Variants in SLC35A2 observed in about 807,000 individuals in gnomAD.
SLC35A2 encodes the protein UDP-galactose translocator.
In SLC35A2, 1 loss-of-function variant was observed where a neutral mutation model predicts 17.3. The observed-to-expected ratio is 0.06, with a 90% CI of 0.02 to 0.27. The LOEUF (loss-of-function observed/expected upper bound fraction) is 0.27. SLC35A2 is among the 10% of genes least tolerant of loss of function. The pLI is 1.00. For missense variants in SLC35A2, 191 were observed against 339.3 expected, an observed-to-expected ratio of 0.56 and a Z score of 3.43; for synonymous variants, 161 against 161.3, an observed-to-expected ratio of 1.00 and a Z score of 0.01.
At chrX:48,903,508 T>C (rs1163858731) in intron 4 of SLC35A2, 43 bp from the exon 5 acceptor site, 1 of 567,956 alleles carries the variant, frequency 1.8e-6, no homozygotes, top group Non-Finnish European at 3.2e-6. Flanking sequence ...AAAGCTGGGC[T>C]AGGCTGGCAG....
chrX:48,911,756 C>A (rs180869387), upstream of SLC35A2: 106 of 1,161,270 alleles, frequency 9.1e-5, 1 homozygote, highest in Non-Finnish European at 1.2e-4. Flanking sequence ...AGGGTGGTGG[C>A]TTTTCTCCTC....
At position 48,903,227 on chromosome X, in the gene SLC35A2, A is replaced by G; in HGVS notation, c.*211T>C. ...TTATTTGCAAAAACTCAGCTAAGAGATAGTGTGGAGCTGGCAGGGGCTGGG... is the reference window on the plus strand; with the variant it reads ...TTATTTGCAAAAACTCAGCTAAGAGGTAGTGTGGAGCTGGCAGGGGCTGGG... On this transcript the variant is annotated 3_prime_UTR_variant, in exon 5 of 5. Transcript: ENST00000247138. 9.7e-7 allele frequency: 1 copy of G among 1,035,865 alleles called. No homozygotes were observed. Among genetic ancestry groups the G allele is most frequent in the Non-Finnish European group, 1.3e-6 (1 of 755,356 alleles). The allele number at this position is 1,035,865 out of a possible 1,213,427, so 85.4% of individuals were successfully genotyped here.
chrX:48,908,676 G>A (rs782396530), intron 2 of SLC35A2, among the ~76,000 whole-genome samples: 1 of 112,050 alleles, frequency 8.9e-6, no homozygotes, highest in Non-Finnish European at 1.9e-5. Flanking sequence ...ATGAGGACAA[G>A]CTGCTCCTCT....
In SLC35A2 at chrX:48,905,590, G is replaced by A. The variant is rs781914967; in HGVS notation, c.427-108C>T. On this transcript the variant is annotated intron_variant, in intron 3 of 4. Coordinates refer to ENST00000247138, the MANE Select transcript of SLC35A2 (RefSeq NM_005660.3). ...CCCAGGCACAATGGAGGGACAGGGT[G>A]GGGGGTATGACAGCAAAAACAGCAA... 18 of 758,764 alleles carry A rather than the reference G, an allele frequency of 2.4e-5. No homozygotes were observed. In the East Asian group the frequency reaches 4.4e-4, roughly 19 times the overall value. The allele number at this position is 758,764 out of a possible 1,213,427, so 62.5% of individuals were successfully genotyped here. A position where few individuals can be genotyped will look rare whatever the true frequency, so the allele number is the denominator to read the frequency against.
At chrX:48,903,974 G>A (rs138418907) in intron 4 of SLC35A2, 19,858 of 759,104 alleles carry the variant, frequency 0.026, 222 homozygotes, top group Middle Eastern at 0.061. Flanking sequence ...GCAACTGACA[G>A]TGTCTTAAAT....
upstream of SLC35A2, chrX:48,911,704 C>T (rs2063537386): frequency 2.6e-6 from 3 of 1,154,306 alleles, no homozygotes; most frequent in Non-Finnish European, 3.5e-6. Context: ...ACTTCCGCTG[C>T]CGGGCCACCT....
rs782737391 is a variant in SLC35A2 at position 48,905,083 on chromosome X, G to A, written c.826C>T (p.Leu276Phe). The change falls in exon 4 of 5, where the codon CTC (leucine) becomes TTC (phenylalanine). Residue 276 changes from leucine (L) to phenylalanine (F), a missense_variant. Physicochemically the swap from Leu to Phe is conservative, Grantham distance 22. Transcript: ENST00000247138. ...GYTPAVWGVV[L>F]NQAFGGLLVA... ...AGTAGCCCGCCGAAGGCCTGGTTGAGCACCACGCCCCAGACAGCAGGTGTG... is the reference window on the plus strand; with the variant it reads ...AGTAGCCCGCCGAAGGCCTGGTTGAACACCACGCCCCAGACAGCAGGTGTG... The A allele has an allele frequency of 1.2e-5, 14 of 1,209,787 alleles. No homozygotes were observed. In the Admixed American group the frequency reaches 1.3e-4, roughly 11 times the overall value.
Position 48,904,813 on chromosome X carries a change from C to A in SLC35A2, c.1096G>T (p.Gly366Trp), listed in dbSNP as rs782329380. The A allele has an allele frequency of 8.3e-7, 1 of 1,211,068 alleles. No homozygotes were observed. Among genetic ancestry groups the A allele is most frequent in the Admixed American group, 2.2e-5 (1 of 45,999 alleles). ...GACAGCTGCGGTGGTGGTGGCTGCC[C>A]GGGAGGCTGCTGGTGAACGCAGGGC... ...SGPCVHQQPP[G>W]QPPPPQLSSH... The change falls in exon 4 of 5, where the codon GGG becomes TGG. Residue 366 changes from glycine (G) to tryptophan (W), a missense_variant. Physicochemically the swap from Gly to Trp is radical, Grantham distance 184. This residue lies in a region of SLC35A2 where 164 missense variants were observed against 315.3 expected (regional missense o/e 0.52). Transcript: ENST00000247138.
chrX:48,907,042 G>A (rs189935620), intron 2 of SLC35A2, among the ~76,000 whole-genome samples: 22 of 108,627 alleles, frequency 2.0e-4, no homozygotes, highest in African/African-American at 7.0e-4. Context: ...GGTGGCAAGC[G>A]ACTGTAATCC....
In SLC35A2 at chrX:48,906,313, C is replaced by T. The variant is rs782434883; in HGVS notation, c.426+79G>A. On this transcript the variant is annotated intron_variant, in intron 3 of 4. Transcript: ENST00000247138. The stretch of plus-strand genomic sequence containing the variant: ...GACATAGCCCCTGTCCTCTGCAACA[C>T]CCCCCCACCACGCTATTCCCATACT... 5 of 930,376 alleles carry T rather than the reference C, an allele frequency of 5.4e-6. No homozygotes were observed. The African/African-American group carries it at 7.8e-5, about 15-fold the overall frequency. The allele number at this position is 930,376 out of a possible 1,213,427, so 76.7% of individuals were successfully genotyped here. A position where few individuals can be genotyped will look rare whatever the true frequency, so the allele number is the denominator to read the frequency against.
At chrX:48,904,327 G>A (rs978991101) in intron 4 of SLC35A2, 1 of 1,040,693 alleles carries the variant, frequency 9.6e-7, no homozygotes, top group South Asian at 2.9e-5. Flanking sequence ...AGCTGCGGGA[G>A]TTTTGTCCAG....
rs781996492 is a variant in SLC35A2, at chrX:48,905,069, G to A, written c.840C>T (p.Phe280=). The part of the protein sequence containing the change: ...AVWGVVLNQA[F]GGLLVAVVVK... ...CAACCACAGCCACCAGTAGCCCGCC[G>A]AAGGCCTGGTTGAGCACCACGCCCC... The change falls in exon 4 of 5, where the codon TTC becomes TTT. Residue 280 remains phenylalanine, a synonymous_variant. Coordinates refer to ENST00000247138, the MANE Select transcript of SLC35A2 (RefSeq NM_005660.3). 5.8e-6 allele frequency: 7 copies of A among 1,211,480 alleles called. No homozygotes were observed. The highest frequency in any genetic ancestry group is 2.3e-4 in the Middle Eastern group (1 of 4,350).
At chrX:48,904,649 G>A in intron 4 of SLC35A2, 97 bp downstream of exon 4, 7 of 1,208,639 alleles carry the variant, frequency 5.8e-6, no homozygotes, top group Non-Finnish European at 7.8e-6. Context: ...CCCGGAGGGT[G>A]GCGACTTGGG....
At chrX:48,910,539 A>G (rs897661352) in intron 1 of SLC35A2, among the ~76,000 whole-genome samples, 6 of 111,625 alleles carry the variant, frequency 5.4e-5, no homozygotes, top group African/African-American at 2.0e-4. Context: ...GTAAAGAATA[A>G]CACATCAATG....
chrX:48,908,290 A>G (rs186457285), intron 2 of SLC35A2, among the ~76,000 whole-genome samples: 1,462 of 108,932 alleles, frequency 0.013, 6 homozygotes, highest in Non-Finnish European at 0.023. Context: ...TAATTTTTGT[A>G]TTTTTAGTAG....
rs1557043157 is a variant in SLC35A2, at chrX:48,906,560, G to A, written c.275-17C>T. 1.7e-6 allele frequency: 2 copies of A among 1,207,046 alleles called. No homozygotes were observed. The highest frequency in any genetic ancestry group is 3.5e-5 in the African/African-American group (2 of 57,178). ...TCACGTTACCTAGGTGGGAGGAGGA[G>A]AGCCCTTCTTAGCACTGACAGCCAT... is the stretch of plus-strand genomic sequence containing the variant. On this transcript the variant is annotated splice_polypyrimidine_tract_variant and intron_variant, in intron 2 of 4. Coordinates refer to ENST00000247138, the MANE Select transcript of SLC35A2 (RefSeq NM_005660.3).
In SLC35A2 at chrX:48,911,417, T is replaced by TGC. The variant is rs2063532642; in HGVS notation, c.91+127_91+128dup. On this transcript the variant is annotated intron_variant, in intron 1 of 4. Coordinates refer to ENST00000247138, the MANE Select transcript of SLC35A2 (RefSeq NM_005660.3). ...CCCCGCCCCCAACACACTGACAATG[T>TGC]GCACACACACACACACACACACGTC... The TGC allele has an allele frequency of 1.3e-5, 11 of 818,321 alleles. No homozygotes were observed. In the South Asian group the frequency reaches 1.5e-4, roughly 12 times the overall value. 67.4% of individuals were successfully genotyped at this position (818,321 alleles called of 1,213,427 possible).
rs1057523494 is a variant in SLC35A2 at position 48,911,644 on chromosome X, T to G, written c.-8A>C. 1 of 1,158,493 alleles carries G rather than the reference T, an allele frequency of 8.6e-7. No individual in the cohort carries two copies. The highest frequency in any genetic ancestry group is 1.8e-5 in the African/African-American group (1 of 56,180). ...AGCCCCAACCGCTGCCATGTTGGCATCTGCCCGGCCCGTCCCCTCGGCAAC... is the reference window on the plus strand; with the variant it reads ...AGCCCCAACCGCTGCCATGTTGGCAGCTGCCCGGCCCGTCCCCTCGGCAAC... On this transcript the variant is annotated 5_prime_UTR_variant, in exon 1 of 5. The change abolishes an upstream ATG in the 5' untranslated region. Coordinates refer to ENST00000247138, the MANE Select transcript of SLC35A2 (RefSeq NM_005660.3).
At chrX:48,911,812 T>G, upstream of SLC35A2, 1 of 1,167,231 alleles carries the variant, frequency 8.6e-7, no homozygotes, top group African/African-American at 1.8e-5. Context: ...ATTTCCAAAT[T>G]CCGTCGGATC....
Sources: allele counts gnomAD v4.1 joint callset (sites outside exome capture counted in the v4.1 genomes callset), GRCh38; gene constraint gnomAD v4.1.1; regional missense constraint gnomAD v4.1.1; transcripts MANE v1.5; gene names NCBI Gene and HGNC (gene_info 2026-07-23, HGNC 2026-07-21).